Variants in AMN observed in about 807,000 individuals in gnomAD.
AMN encodes amnion associated transmembrane protein.
AMN carries 40 observed loss-of-function variants against 49.1 expected under a neutral mutation model. The ratio of observed to expected loss-of-function variants is 0.81; its 90% CI spans 0.63 to 1.06. AMN has a LOEUF of 1.06. AMN is among the 50% of genes least tolerant of loss of function. The pLI is 0.00. For missense variants in AMN, 701 were observed against 662.8 expected, an observed-to-expected ratio of 1.06 and a Z score of -0.63; for synonymous variants, 380 against 313.3, an observed-to-expected ratio of 1.21 and a Z score of -2.25.
chr14:102,926,599 T>TC (rs1289731265), intron 3 of AMN, among the ~76,000 whole-genome samples: 3 of 150,002 alleles, frequency 2.0e-5, no homozygotes, highest in East Asian at 3.9e-4. Context: ...TTTTTTTTTT[T>TC]TTTTTGAGAT....
intron 3 of AMN, among the ~76,000 whole-genome samples, chr14:102,927,917 C>T (rs538401760): frequency 6.6e-6 from 1 of 152,242 alleles, no homozygotes; most frequent in East Asian, 1.9e-4. Flanking sequence ...CGCTACACTC[C>T]CTGCCTCCTC....
At position 102,930,401 on chromosome 14, in the gene AMN, C is replaced by A; in HGVS notation, c.1170-5C>A. 2.0e-6 allele frequency: 3 copies of A among 1,515,766 alleles called. No individual in the cohort carries two copies. The highest frequency in any genetic ancestry group is 2.6e-6 in the Non-Finnish European group (3 of 1,138,442). The allele number at this position is 1,515,766 out of a possible 1,614,324, so 93.9% of individuals were successfully genotyped here. On this transcript the variant is annotated splice_region_variant and splice_polypyrimidine_tract_variant and intron_variant, in intron 10 of 11. Coordinates refer to ENST00000299155, the MANE Select transcript of AMN (RefSeq NM_030943.4). ...GCTCACGCTGCGTCCCCGCTACGCC[C>A]TCAGGTGGAGGAGGCACGAGGCGGC...
intron 3 of AMN, among the ~76,000 whole-genome samples, chr14:102,926,034 CTTG>C (rs1478018538): frequency 6.6e-6 from 1 of 152,190 alleles, no homozygotes; most frequent in Non-Finnish European, 1.5e-5. Context: ...TGCCTGCTTT[CTTG>C]TTGGGGGAGT....
intron 3 of AMN, among the ~76,000 whole-genome samples, chr14:102,925,555 A>AC (rs1430768369): frequency 6.6e-6 from 1 of 152,106 alleles, no homozygotes; most frequent in Non-Finnish European, 1.5e-5. Flanking sequence ...TGAGGGGGGC[A>AC]CTGGGAGCTG....
At chr14:102,924,069 C>A (rs1355117033) in intron 3 of AMN, 90 bp downstream of exon 3, 3 of 1,573,204 alleles carry the variant, frequency 1.9e-6, no homozygotes, top group Admixed American at 1.7e-5. Flanking sequence ...GGGCGGACCC[C>A]ACCGGCATGG....
Position 102,930,228 on chromosome 14 carries a change from C to T in AMN, c.1070C>T (p.Ser357Phe), listed in dbSNP as rs1295669711. ...TCGGGCGCACACGTCTGGGGCAGCTCCGCGGCTGGGCTGGCGGGCGGCGTG... is the reference window on the plus strand; with the variant it reads ...TCGGGCGCACACGTCTGGGGCAGCTTCGCGGCTGGGCTGGCGGGCGGCGTG... ...RESGAHVWGS[S>F]AAGLAGGVAA... The change falls in exon 10 of 12, where the codon TCC (serine) becomes TTC (phenylalanine). Residue 357 changes from serine to phenylalanine, a missense_variant. By Grantham distance (155) the Ser-to-Phe change is radical. Transcript: ENST00000299155. The T allele has an allele frequency of 9.3e-6, 13 of 1,405,082 alleles. No individual in the cohort carries two copies. The highest frequency in any genetic ancestry group is 1.2e-5 in the Non-Finnish European group (13 of 1,082,374). 87.0% of individuals were successfully genotyped at this position (1,405,082 alleles called of 1,614,324 possible).
Position 102,928,977 on chromosome 14 carries a change from T to A in AMN, c.513+2T>A, listed in dbSNP as rs374958235. ...CGCAGCATCTCGGCTCTGGGCCGGG[T>A]GAGCACTGAGGGGAGGGAGGCTCGG... On this transcript the variant is annotated splice_donor_variant, in intron 5 of 11. Transcript: ENST00000299155. LOFTEE classifies it high-confidence loss of function. The A allele has an allele frequency of 6.3e-7, 1 of 1,597,926 alleles. No individual in the cohort carries two copies. Among genetic ancestry groups the A allele is most frequent in the Non-Finnish European group, 8.5e-7 (1 of 1,179,332 alleles).
At chr14:102,925,645 C>T (rs1008807488) in intron 3 of AMN, among the ~76,000 whole-genome samples, 28 of 152,178 alleles carry the variant, frequency 1.8e-4, no homozygotes, top group African/African-American at 4.8e-4. Flanking sequence ...CCTCCCCTGC[C>T]GGCCTCCTTA....
At position 102,929,613 on chromosome 14, in the gene AMN, G is replaced by C. The variant is rs370572037; in HGVS notation, c.761-42G>C. On this transcript the variant is annotated intron_variant, in intron 7 of 11. Transcript: ENST00000299155. Reference sequence around the variant, plus strand: ...TCGTCCCCCGCCTCAGTTTCCTGCCGGGCCCGGATCCACGGCGCTGACCCC... The same window carrying C: ...TCGTCCCCCGCCTCAGTTTCCTGCCCGGCCCGGATCCACGGCGCTGACCCC... 8 of 1,547,690 alleles carry C rather than the reference G, an allele frequency of 5.2e-6. No homozygotes were observed. The African/African-American group carries it at 6.9e-5, about 13-fold the overall frequency.
At chr14:102,928,304 C>A in intron 3 of AMN, 122 bp from the exon 4 acceptor site, 1 of 868,328 alleles carries the variant, frequency 1.2e-6, no homozygotes, top group Non-Finnish European at 1.8e-6. Flanking sequence ...CGGGCCTGAG[C>A]TCGCCCGGGC....
Position 102,929,981 on chromosome 14 carries a change from C to T in AMN, c.901C>T (p.Arg301Cys), listed in dbSNP as rs1228194866. 3.8e-6 allele frequency: 6 copies of T among 1,564,624 alleles called. No homozygotes were observed. The Admixed American group carries it at 7.5e-5, about 20-fold the overall frequency. The change falls in exon 9 of 12, where the codon CGT (arginine) becomes TGT (cysteine). Residue 301 changes from arginine (R) to cysteine (C), a missense_variant. By Grantham distance (180) the Arg-to-Cys change is radical (BLOSUM62 -3). Transcript: ENST00000299155. ...CAAGGTGCCACGCTCGTCCCGGCTC[C>T]GTGAGGCCGATACGGAGATCCAGGT... ...VSKVPRSSRL[R>C]EADTEIQVVL...
At chr14:102,926,732 A>C (rs1173002517) in intron 3 of AMN, among the ~76,000 whole-genome samples, 1 of 151,828 alleles carries the variant, frequency 6.6e-6, no homozygotes, top group African/African-American at 2.4e-5. Flanking sequence ...GACTACAGGA[A>C]TTTTGATTGG....
chr14:102,930,086 G>A lies in AMN; in HGVS notation c.1006G>A (p.Gly336Ser), dbSNP rs1339571276. 4.7e-5 allele frequency: 72 copies of A among 1,537,528 alleles called. No individual in the cohort carries two copies. The highest frequency in any genetic ancestry group is 6.1e-5 in the Non-Finnish European group (70 of 1,144,186). The change falls in exon 9 of 12, where the codon GGC becomes AGC. Residue 336 changes from glycine (G) to serine (S), a missense_variant and splice_region_variant. By Grantham distance (56) the Gly-to-Ser change is moderately conservative. Transcript: ENST00000299155. ...RALLADVAENGEALGVLEATM... is the reference protein window; with the variant it reads ...RALLADVAENSEALGVLEATM... ...CCTCCTGGCGGACGTCGCCGAGAAC[G>A]GTAACCGCGCCCGCCCCATCCCGCC... is the stretch of plus-strand genomic sequence containing the variant.
intron 4 of AMN, 110 bp downstream of exon 4, chr14:102,928,623 G>C (rs1891244924): frequency 1.3e-6 from 2 of 1,493,192 alleles, no homozygotes; most frequent in Admixed American, 3.9e-5. Flanking sequence ...GCCTCCGGGG[G>C]CGTGGTTTAG....
chr14:102,928,981 C>T lies in AMN; in HGVS notation c.513+6C>T, dbSNP rs759034811. The T allele has an allele frequency of 2.5e-6, 4 of 1,597,716 alleles. No homozygotes were observed. In the African/African-American group the frequency reaches 4.0e-5, roughly 16 times the overall value. Reference sequence around the variant, plus strand: ...GCATCTCGGCTCTGGGCCGGGTGAGCACTGAGGGGAGGGAGGCTCGGGTCC... The same window carrying T: ...GCATCTCGGCTCTGGGCCGGGTGAGTACTGAGGGGAGGGAGGCTCGGGTCC... On this transcript the variant is annotated splice_donor_region_variant and intron_variant, in intron 5 of 11. Coordinates refer to ENST00000299155, the MANE Select transcript of AMN (RefSeq NM_030943.4).
At chr14:102,925,439 C>T (rs905238087) in intron 3 of AMN, among the ~76,000 whole-genome samples, 3 of 152,326 alleles carry the variant, frequency 2.0e-5, no homozygotes, top group South Asian at 2.1e-4. Flanking sequence ...AAGATGGCGA[C>T]GCTCCCACCC....
chr14:102,929,859 T>G, intron 8 of AMN, 65 bp from the exon 9 acceptor site: 1 of 1,547,490 alleles, frequency 6.5e-7, no homozygotes, highest in Non-Finnish European at 8.7e-7. Flanking sequence ...CCTCTGCCCT[T>G]AGCGTCCCCA....
chr14:102,930,570 C>G lies in AMN; in HGVS notation c.1258-6C>G, dbSNP rs1891326718. On this transcript the variant is annotated splice_polypyrimidine_tract_variant and splice_region_variant and intron_variant, in intron 11 of 11. Transcript: ENST00000299155. ...CCGACCGCCGCCTGACCCTGTCACC[C>G]CGCAGCCCCTGCCGCGGCGGCTCAG... The G allele has an allele frequency of 6.4e-7, 1 of 1,567,908 alleles. No individual in the cohort carries two copies. Among genetic ancestry groups the G allele is most frequent in the Non-Finnish European group, 8.6e-7 (1 of 1,158,286 alleles).
intron 3 of AMN, among the ~76,000 whole-genome samples, chr14:102,924,201 G>A (rs1891136116): frequency 6.6e-6 from 1 of 152,100 alleles, no homozygotes; most frequent in South Asian, 2.1e-4. Context: ...AGGGATGGGA[G>A]GCACCCCTGT....
Sources: allele counts gnomAD v4.1 joint callset (sites outside exome capture counted in the v4.1 genomes callset), GRCh38; gene constraint gnomAD v4.1.1; transcripts MANE v1.5; gene names NCBI Gene and HGNC (gene_info 2026-07-23, HGNC 2026-07-21).